The following KCNQ4 variants were observed in gnomAD, a reference collection of about 807,000 sequenced individuals.
KCNQ4 encodes the protein potassium voltage-gated channel subfamily Q member 4.
In KCNQ4, 31 loss-of-function variants were observed where a neutral mutation model predicts 72.6. That is an observed-to-expected ratio of 0.43 (90% CI 0.32 to 0.58). The LOEUF (loss-of-function observed/expected upper bound fraction) is 0.58, where lower values mean the gene tolerates loss of function less well. Ranked by LOEUF, KCNQ4 falls within the 20% of genes least tolerant of loss-of-function variation. The probability of loss-of-function intolerance (pLI) is 0.08; values close to 1 mark genes in which losing one functional copy is unlikely to be tolerated. For missense variants in KCNQ4, 869 were observed against 962.6 expected, an observed-to-expected ratio of 0.90 and a Z score of 1.29; for synonymous variants, 405 against 403.7, an observed-to-expected ratio of 1.00 and a Z score of -0.04.
chr1:40,819,613 AC>A lies in KCNQ4; in HGVS notation c.834+143del. The A allele has an allele frequency of 4.3e-6, 5 of 1,159,052 alleles. No homozygotes were observed. In the South Asian group the frequency reaches 7.0e-5, roughly 16 times the overall value. The allele number at this position is 1,159,052 out of a possible 1,614,324, so 71.8% of individuals were successfully genotyped here. On this transcript the variant is annotated intron_variant, in intron 5 of 13. Coordinates refer to ENST00000347132, the MANE Select transcript of KCNQ4 (RefSeq NM_004700.4). ...TCACTAGAGCTGGGACCCCCCTGAG[AC>A]CAGCCCCAATGCTAACCCCCCAACC...
intron 12 of KCNQ4, among the ~76,000 whole-genome samples, chr1:40,835,662 G>T (rs76458236): frequency 0.011 from 1,733 of 152,344 alleles, 34 homozygotes; most frequent in African/African-American, 0.04. Flanking sequence ...GGCAGAAAGC[G>T]CAGCAGAGTT....
chr1:40,824,837 T>G (rs1648429621), intron 9 of KCNQ4, among the ~76,000 whole-genome samples: 1 of 152,250 alleles, frequency 6.6e-6, no homozygotes, highest in Non-Finnish European at 1.5e-5. Flanking sequence ...TCCTTTCTTG[T>G]GCAGCCCTTG....
At position 40,787,086 on chromosome 1, in the gene KCNQ4, G is replaced by T. The variant is rs561288741; in HGVS notation, c.314+2679G>T. Among the ~76,000 whole-genome samples, 164 of 152,286 alleles carry T rather than the reference G, an allele frequency of 1.1e-3. 2 individuals carry two copies. Among genetic ancestry groups the T allele is most frequent in the African/African-American group, 3.7e-3 (155 of 41,570 alleles). The stretch of plus-strand genomic sequence containing the variant: ...TGGCAGGAGGGGCCCCAGCAGAAGA[G>T]CCTGCAAGAGAAGGGCTCTGGGCGG... On this transcript the variant is annotated intron_variant, in intron 1 of 13. Coordinates refer to ENST00000347132, the MANE Select transcript of KCNQ4 (RefSeq NM_004700.4).
intron 1 of KCNQ4, among the ~76,000 whole-genome samples, chr1:40,816,862 C>T (rs1239832517): frequency 1.3e-5 from 2 of 152,162 alleles, no homozygotes; most frequent in East Asian, 3.9e-4. Flanking sequence ...GCTGACCTTC[C>T]CTGAGCCCTG....
intron 1 of KCNQ4, among the ~76,000 whole-genome samples, chr1:40,798,548 A>G (rs910096177): frequency 2.0e-5 from 3 of 152,246 alleles, no homozygotes; most frequent in Non-Finnish European, 4.4e-5. Flanking sequence ...GCTGAGGCTC[A>G]GAAAGGAGAA....
At chr1:40,835,749 C>T (rs562746998) in intron 12 of KCNQ4, among the ~76,000 whole-genome samples, 9 of 152,240 alleles carry the variant, frequency 5.9e-5, no homozygotes, top group African/African-American at 1.9e-4. Context: ...TGTCAGACAA[C>T]GATAAATACT....
intron 1 of KCNQ4, among the ~76,000 whole-genome samples, chr1:40,810,964 GAT>G (rs1047906348): frequency 5.9e-5 from 9 of 152,322 alleles, no homozygotes; most frequent in Middle Eastern, 3.4e-3. Context: ...GCTTTATTGA[GAT>G]ATAATTCACA....
At chr1:40,834,199 G>A (rs1648743013) in intron 11 of KCNQ4, among the ~76,000 whole-genome samples, 1 of 152,028 alleles carries the variant, frequency 6.6e-6, no homozygotes. Context: ...CGACCTCTCA[G>A]CCAGCATGCC....
Position 40,832,954 on chromosome 1 carries a change from G to A in KCNQ4, c.1514-60G>A, listed in dbSNP as rs566509511. ...ACTGGTGGTTTGGCATACAAGGGTC[G>A]GATGGGAGGTTGGGAGTGGCCCCTT... On this transcript the variant is annotated intron_variant, in intron 10 of 13. Coordinates refer to ENST00000347132, the MANE Select transcript of KCNQ4 (RefSeq NM_004700.4). 285 of 1,226,548 alleles carry A rather than the reference G, an allele frequency of 2.3e-4. No individual in the cohort carries two copies. The African/African-American group carries it at 3.2e-3, about 14-fold the overall frequency. 76.0% of individuals were successfully genotyped at this position (1,226,548 alleles called of 1,614,324 possible).
chr1:40,818,908 G>C, intron 4 of KCNQ4: 1 of 619,796 alleles, frequency 1.6e-6, no homozygotes, highest in South Asian at 2.0e-5. Context: ...AGGGGGCGGG[G>C]CCGGAGAGGC....
At chr1:40,785,156 G>T (rs539810078) in intron 1 of KCNQ4, among the ~76,000 whole-genome samples, 26 of 152,236 alleles carry the variant, frequency 1.7e-4, no homozygotes, top group African/African-American at 5.5e-4. Flanking sequence ...AGAGGAGAGG[G>T]GTAGGTTTGG....
intron 10 of KCNQ4, among the ~76,000 whole-genome samples, chr1:40,832,650 C>T (rs1344957371): frequency 6.6e-6 from 1 of 152,218 alleles, no homozygotes. Context: ...ACATGCAGTG[C>T]CATCAAACCC....
intron 11 of KCNQ4, among the ~76,000 whole-genome samples, chr1:40,834,760 G>A (rs950130447): frequency 1.3e-5 from 2 of 151,852 alleles, no homozygotes; most frequent in Non-Finnish European, 2.9e-5. Flanking sequence ...CCTCCACCCC[G>A]GCTGGTTGAT....
Position 40,798,675 on chromosome 1 carries a change from T to C in KCNQ4, c.314+14268T>C, listed in dbSNP as rs558841839. Among the ~76,000 whole-genome samples the C allele has an allele frequency of 5.4e-4, 82 of 152,370 alleles. No homozygotes were observed. In the Middle Eastern group the frequency reaches 0.01, roughly 19 times the overall value. On this transcript the variant is annotated intron_variant, in intron 1 of 13. Coordinates refer to ENST00000347132, the MANE Select transcript of KCNQ4 (RefSeq NM_004700.4). ...CAGCCCCATTTTTGAGCCTGCGCTC[T>C]CAGCGAAAATCAGTTGGTGTCTCAA... is the stretch of plus-strand genomic sequence containing the variant.
rs151263709 is a variant in KCNQ4, at chr1:40,835,084, G to A, written c.1731G>A (p.Lys577=). The change falls in exon 12 of 14, where the codon AAG becomes AAA. Residue 577 remains lysine, a synonymous_variant. Coordinates refer to ENST00000347132, the MANE Select transcript of KCNQ4 (RefSeq NM_004700.4). ...AGHLDMLGRI[K]SLQTRVDQIV... is the part of the protein sequence containing the mutation. ...ACCTGGACATGCTGGGCCGGATCAA[G>A]AGCCTGCAAACTCGGTGGGTGCACC... The A allele has an allele frequency of 3.2e-5, 52 of 1,613,658 alleles. No individual in the cohort carries two copies. Among genetic ancestry groups the A allele is most frequent in the Non-Finnish European group, 4.2e-5 (50 of 1,179,760 alleles).
intron 1 of KCNQ4, among the ~76,000 whole-genome samples, chr1:40,816,186 G>A (rs911988879): frequency 2.0e-5 from 3 of 152,150 alleles, no homozygotes; most frequent in African/African-American, 7.2e-5. Flanking sequence ...GAAGGCTGGC[G>A]GGTCAGTACA....
chr1:40,818,706 G>A (rs1254673156), intron 4 of KCNQ4, 26 bp downstream of exon 4: 2 of 1,565,170 alleles, frequency 1.3e-6, no homozygotes, highest in South Asian at 1.2e-5. Flanking sequence ...CGCGCGCGGA[G>A]ACCCGAGGGC....
intron 8 of KCNQ4, among the ~76,000 whole-genome samples, chr1:40,823,097 C>T (rs1448797964): frequency 6.6e-6 from 1 of 152,238 alleles, no homozygotes; most frequent in Non-Finnish European, 1.5e-5. Context: ...GGATGCTGTG[C>T]TCAGCGCTTC....
intron 10 of KCNQ4, among the ~76,000 whole-genome samples, chr1:40,832,110 T>C (rs1648669484): frequency 6.6e-6 from 1 of 152,228 alleles, no homozygotes; most frequent in Non-Finnish European, 1.5e-5. Flanking sequence ...CCCCTTTCCA[T>C]GCCTCAGTGT....
Sources: allele counts gnomAD v4.1 joint callset (sites outside exome capture counted in the v4.1 genomes callset), GRCh38; gene constraint gnomAD v4.1.1; transcripts MANE v1.5; gene names NCBI Gene and HGNC (gene_info 2026-07-23, HGNC 2026-07-21).